The following COL8A1 variants were observed in gnomAD, a reference collection of about 807,000 sequenced individuals.
COL8A1 encodes the protein collagen alpha-1(VIII) chain.
COL8A1 carries 21 observed loss-of-function variants against 42.7 expected under a neutral mutation model. The observed-to-expected ratio is 0.49, with a 90% CI of 0.35 to 0.71. COL8A1 has a LOEUF of 0.71. Among genes scored for constraint, COL8A1 ranks in the 30% least tolerant of loss-of-function variants. The probability of loss-of-function intolerance (pLI) is 0.01; values close to 1 mark genes in which losing one functional copy is unlikely to be tolerated. For synonymous variants in COL8A1, 367 were observed against 369.1 expected (o/e 0.99, Z 0.06); for missense variants, 788 against 962.4 (o/e 0.82, Z 2.40).
chr3:99,679,931 T>C (rs1938817130), intron 1 of COL8A1: 1 of 152,202 alleles, frequency 6.6e-6, no homozygotes. Context: ...TTAGCAACTG[T>C]TACTTCAACC....
At chr3:99,693,987 CA>C (rs756939333) in intron 1 of COL8A1, among the ~76,000 whole-genome samples, 3 of 152,138 alleles carry the variant, frequency 2.0e-5, no homozygotes, top group Non-Finnish European at 4.4e-5. Context: ...TTACAATTGC[CA>C]ACAGTATTCA....
At chr3:99,700,293 T>C (rs1409790205) in intron 1 of COL8A1, among the ~76,000 whole-genome samples, 1 of 151,382 alleles carries the variant, frequency 6.6e-6, no homozygotes, top group Non-Finnish European at 1.5e-5. Flanking sequence ...CTTTTTTTAT[T>C]TTTTTAGAAG....
At chr3:99,672,017 T>C (rs1042347509) in intron 1 of COL8A1, among the ~76,000 whole-genome samples, 2 of 152,068 alleles carry the variant, frequency 1.3e-5, no homozygotes, top group Admixed American at 1.3e-4. Flanking sequence ...TTGTCTTCTG[T>C]AGAACACACT....
chr3:99,689,816 T>C (rs1939165535), intron 1 of COL8A1, among the ~76,000 whole-genome samples: 1 of 152,198 alleles, frequency 6.6e-6, no homozygotes, highest in Non-Finnish European at 1.5e-5. Flanking sequence ...TCTAAAAATG[T>C]CTTCCCATCT....
chr3:99,785,829 T>C (rs1209083869), intron 2 of COL8A1, among the ~76,000 whole-genome samples: 3 of 152,104 alleles, frequency 2.0e-5, no homozygotes, highest in Admixed American at 1.3e-4. Context: ...AACTTCAATG[T>C]CTCTAGAACT....
At chr3:99,660,013 C>T (rs1938149745) in intron 1 of COL8A1, among the ~76,000 whole-genome samples, 1 of 152,132 alleles carries the variant, frequency 6.6e-6, no homozygotes, top group Non-Finnish European at 1.5e-5. Flanking sequence ...CAAATAGAGC[C>T]AATAAACTAG....
intron 1 of COL8A1, among the ~76,000 whole-genome samples, chr3:99,734,655 A>C (rs1346537754): frequency 6.6e-6 from 1 of 151,918 alleles, no homozygotes; most frequent in African/African-American, 2.4e-5. Context: ...TTCCATATGA[A>C]CTTTAAAGTA....
At chr3:99,684,619 CCATTG>C (rs532825608) in intron 1 of COL8A1, among the ~76,000 whole-genome samples, 153 of 152,252 alleles carry the variant, frequency 1.0e-3, no homozygotes, top group African/African-American at 3.4e-3. Context: ...AACCCGTTTC[CCATTG>C]CTATTTGTGA....
chr3:99,716,047 TAGA>T (rs1253052172), intron 1 of COL8A1, among the ~76,000 whole-genome samples: 2 of 151,974 alleles, frequency 1.3e-5, no homozygotes, highest in East Asian at 1.9e-4. Context: ...CGTCCAAAGG[TAGA>T]AGAATTTGCA....
intron 2 of COL8A1, among the ~76,000 whole-genome samples, chr3:99,778,371 TAGAG>T (rs1201703802): frequency 1.3e-5 from 2 of 152,040 alleles, no homozygotes; most frequent in African/African-American, 4.8e-5. Context: ...GTTACTTTTG[TAGAG>T]AGAGAGAGAA....
Position 99,786,094 on chromosome 3 carries a change from T to C in COL8A1, c.-3-4586T>C, listed in dbSNP as rs552878924. Among the ~76,000 whole-genome samples the C allele has an allele frequency of 2.4e-3, 367 of 152,198 alleles. 2 individuals are homozygous for C. The highest frequency in any genetic ancestry group is 8.3e-3 in the African/African-American group (344 of 41,494). On this transcript the variant is annotated intron_variant, in intron 2 of 3. Transcript: ENST00000652472. ...TAGTAAACAGGACTCTTTCCTTTTT[T>C]CCCCATACGTTGTCTTAAGAAAGAT...
At chr3:99,692,544 G>T (rs542782732) in intron 1 of COL8A1, among the ~76,000 whole-genome samples, 54 of 152,196 alleles carry the variant, frequency 3.5e-4, no homozygotes, top group Non-Finnish European at 5.7e-4. Flanking sequence ...AAATCAGGAA[G>T]AGTAACAAAA....
chr3:99,781,370 T>G (rs2107447550), intron 2 of COL8A1, among the ~76,000 whole-genome samples: 1 of 152,282 alleles, frequency 6.6e-6, no homozygotes, highest in African/African-American at 2.4e-5. Flanking sequence ...ATTTTCCAAG[T>G]GCTATTGATA....
intron 2 of COL8A1, among the ~76,000 whole-genome samples, chr3:99,764,975 C>T (rs1483580988): frequency 6.6e-6 from 1 of 151,978 alleles, no homozygotes; most frequent in African/African-American, 2.4e-5. Context: ...AAAATAGTTG[C>T]ATTTTTTAAG....
In COL8A1 at chr3:99,798,445, A is replaced by C. The variant is rs1260061080; in HGVS notation, c.*2309A>C. ...AACAGCCACATTGAAATGGTTTAAAAGCAAGTCAGATCAGGTGATTTGTAA... is the reference window on the plus strand; with the variant it reads ...AACAGCCACATTGAAATGGTTTAAACGCAAGTCAGATCAGGTGATTTGTAA... On this transcript the variant is annotated 3_prime_UTR_variant, in exon 4 of 4. Coordinates refer to ENST00000652472, the MANE Select transcript of COL8A1 (RefSeq NM_020351.4). 2.0e-5 allele frequency: 3 copies of C among 152,252 alleles called. No homozygotes were observed. In the East Asian group the frequency reaches 5.8e-4, roughly 29 times the overall value. The allele number at this position is 152,252 out of a possible 1,614,324, so 9.4% of individuals were successfully genotyped here. A position where few individuals can be genotyped will look rare whatever the true frequency, so the allele number is the denominator to read the frequency against.
At chr3:99,764,228 T>C (rs1357249413) in intron 2 of COL8A1, among the ~76,000 whole-genome samples, 2 of 152,212 alleles carry the variant, frequency 1.3e-5, no homozygotes, top group African/African-American at 2.4e-5. Context: ...TTAGAGATTG[T>C]GCCTTATTTT....
intron 1 of COL8A1, among the ~76,000 whole-genome samples, chr3:99,722,522 C>A (rs1039849246): frequency 3.9e-5 from 6 of 152,022 alleles, no homozygotes; most frequent in Non-Finnish European, 7.4e-5. Flanking sequence ...TAGAAGTTCT[C>A]GCTTGAGAAA....
At chr3:99,764,839 TA>T (rs1941432010) in intron 2 of COL8A1, among the ~76,000 whole-genome samples, 1 of 151,926 alleles carries the variant, frequency 6.6e-6, no homozygotes, top group African/African-American at 2.4e-5. Flanking sequence ...TATAGGTGCT[TA>T]AATCAATTAA....
intron 1 of COL8A1, among the ~76,000 whole-genome samples, chr3:99,705,356 C>G (rs1452515894): frequency 6.6e-6 from 1 of 152,158 alleles, no homozygotes; most frequent in Non-Finnish European, 1.5e-5. Context: ...ATGTTCTGAG[C>G]TTCTAACTAC....
Sources: gnomAD v4.1 joint callset for allele counts (sites outside exome capture counted in the v4.1 genomes callset) on GRCh38, gnomAD v4.1.1 for gene constraint, MANE v1.5 for transcripts, NCBI Gene and HGNC (gene_info 2026-07-23, HGNC 2026-07-21) for gene names.